ST6GAL1: variants seen among roughly 807,000 people sequenced by gnomAD.
ST6GAL1 encodes the protein ST6 beta-galactoside alpha-2,6-sialyltransferase 1, also known as beta-galactoside alpha-2,6-sialyltransferase 1.
A neutral mutation model predicts 38.0 loss-of-function variants in ST6GAL1; 20 were observed. The ratio of observed to expected loss-of-function variants is 0.53; its 90% CI spans 0.37 to 0.77. The LOEUF is 0.77. Among genes scored for constraint, ST6GAL1 ranks in the 30% least tolerant of loss-of-function variants. ST6GAL1 has a pLI of 0.00. For missense variants in ST6GAL1, 432 were observed against 496.4 expected (o/e 0.87, Z 1.23); for synonymous variants, 196 against 188.2 (o/e 1.04, Z -0.34).
At chr3:186,986,012 A>T (rs539197831) in intron 2 of ST6GAL1, among the ~76,000 whole-genome samples, 12 of 151,880 alleles carry the variant, frequency 7.9e-5, no homozygotes, top group Admixed American at 3.9e-4. Flanking sequence ...ATTGGAAAGG[A>T]CTCTTTAGAT....
At chr3:187,032,735 A>G (rs1263955525) in intron 2 of ST6GAL1, among the ~76,000 whole-genome samples, 1 of 152,208 alleles carries the variant, frequency 6.6e-6, no homozygotes, top group Non-Finnish European at 1.5e-5. Context: ...GACTCTTCCA[A>G]GGATGCTGCC....
intron 2 of ST6GAL1, among the ~76,000 whole-genome samples, chr3:186,994,055 G>C (rs1716276055): frequency 6.6e-6 from 1 of 152,192 alleles, no homozygotes; most frequent in Admixed American, 6.5e-5. Flanking sequence ...GTTGGGATGA[G>C]ATTGTCTTCA....
intron 1 of ST6GAL1, among the ~76,000 whole-genome samples, chr3:186,946,202 C>T (rs1355885012): frequency 2.0e-5 from 3 of 151,356 alleles, no homozygotes; most frequent in Non-Finnish European, 2.9e-5. Context: ...ATCTCGGCTG[C>T]TCGGTGGGGC....
intron 2 of ST6GAL1, among the ~76,000 whole-genome samples, chr3:186,979,147 G>A (rs1215065378): frequency 1.3e-5 from 2 of 152,012 alleles, no homozygotes; most frequent in African/African-American, 4.8e-5. Flanking sequence ...AATGAATGAG[G>A]GCTCATTGTA....
Position 187,075,773 on chromosome 3 carries a change from A to G in ST6GAL1, c.1191A>G (p.Thr397=). 1 of 1,614,136 alleles carries G rather than the reference A, an allele frequency of 6.2e-7. No homozygotes were observed. Reference sequence around the variant, plus strand: ...ACATCTACCTGCTTGGAAAAGCCACACTGCCTGGCTTCCGGACCATTCACT... The same window carrying G: ...ACATCTACCTGCTTGGAAAAGCCACGCTGCCTGGCTTCCGGACCATTCACT... ...DEDIYLLGKA[T]LPGFRTIHC Residue 397 remains threonine, a synonymous_variant, in exon 8 of 8, where the codon ACA becomes ACG. Coordinates refer to ENST00000169298, the MANE Select transcript of ST6GAL1 (RefSeq NM_173216.2). This position sits in a 1 kb window ranked among gnomAD's most constrained non-coding sequence, Gnocchi z 4.1.
intron 2 of ST6GAL1, among the ~76,000 whole-genome samples, chr3:186,969,236 A>G: frequency 6.6e-6 from 1 of 151,792 alleles, no homozygotes; most frequent in Non-Finnish European, 1.5e-5. Flanking sequence ...TATTTTTAGT[A>G]GAGACGGGGT....
chr3:187,041,743 G>A (rs1718130204), intron 3 of ST6GAL1, among the ~76,000 whole-genome samples: 1 of 152,164 alleles, frequency 6.6e-6, no homozygotes, highest in Admixed American at 6.5e-5. Flanking sequence ...TCCATAAAAT[G>A]GAGATTATAA....
At chr3:187,040,338 C>G (rs966018609) in intron 3 of ST6GAL1, among the ~76,000 whole-genome samples, 1 of 152,192 alleles carries the variant, frequency 6.6e-6, no homozygotes. Context: ...GACTGTCTGA[C>G]AGACGAAGTT....
At chr3:187,015,075 A>G (rs1164890508) in intron 2 of ST6GAL1, among the ~76,000 whole-genome samples, 3 of 152,148 alleles carry the variant, frequency 2.0e-5, no homozygotes, top group African/African-American at 7.2e-5. Flanking sequence ...TGGACTAGCA[A>G]TTTTGTTTCT....
intron 2 of ST6GAL1, among the ~76,000 whole-genome samples, chr3:186,996,172 C>G (rs1334578248): frequency 6.6e-6 from 1 of 152,206 alleles, no homozygotes; most frequent in Non-Finnish European, 1.5e-5. Flanking sequence ...ATTTGAAGGA[C>G]TAGTCAGCTG....
chr3:186,967,078 G>A (rs753120605), intron 2 of ST6GAL1, among the ~76,000 whole-genome samples: 15 of 152,126 alleles, frequency 9.9e-5, no homozygotes, highest in Admixed American at 3.9e-4. Context: ...TTCTTTTTCC[G>A]TCCGTTCTGT....
intron 2 of ST6GAL1, among the ~76,000 whole-genome samples, chr3:187,009,252 A>C (rs1716880222): frequency 6.6e-6 from 1 of 152,106 alleles, no homozygotes; most frequent in South Asian, 2.1e-4. Flanking sequence ...TAAGTTTTTA[A>C]ATTATTTTTA....
intron 2 of ST6GAL1, among the ~76,000 whole-genome samples, chr3:187,000,066 T>C (rs1030055792): frequency 6.7e-6 from 1 of 150,304 alleles, no homozygotes; most frequent in African/African-American, 2.5e-5. Flanking sequence ...GCCTCCAGCA[T>C]TCTTCCTGCC....
At chr3:186,972,432 T>C (rs1715381845) in intron 2 of ST6GAL1, among the ~76,000 whole-genome samples, 1 of 152,090 alleles carries the variant, frequency 6.6e-6, no homozygotes, top group Non-Finnish European at 1.5e-5. Flanking sequence ...GTGTTTTTAG[T>C]AGAGACAGGG....
At chr3:186,958,844 T>C (rs1263848742) in intron 1 of ST6GAL1, among the ~76,000 whole-genome samples, 1 of 151,586 alleles carries the variant, frequency 6.6e-6, no homozygotes, top group Non-Finnish European at 1.5e-5. Context: ...TCCCAGCTAC[T>C]CGGGAGGCTG....
At chr3:187,023,484 C>T (rs1175346799) in intron 2 of ST6GAL1, among the ~76,000 whole-genome samples, 2 of 152,152 alleles carry the variant, frequency 1.3e-5, no homozygotes, top group Non-Finnish European at 2.9e-5. Flanking sequence ...TTGGAACCAA[C>T]CCAAATGTCC....
intron 1 of ST6GAL1, among the ~76,000 whole-genome samples, chr3:186,955,149 G>A (rs13071610): frequency 0.083 from 12,559 of 152,170 alleles, 684 homozygotes; most frequent in Non-Finnish European, 0.11. Context: ...ATAGATGTGT[G>A]GTCTTATTTC....
In ST6GAL1 at chr3:186,952,962, C is replaced by G. The variant is rs949844916; in HGVS notation, c.-324-10823C>G. On this transcript the variant is annotated intron_variant, in intron 1 of 7. Transcript: ENST00000169298. This position sits in a 1 kb window ranked among gnomAD's most constrained non-coding sequence, Gnocchi z 4.1. ...TGGAGTCATTCTAAATTCTCTTTCT[C>G]TCATGCTGCACCCACTCTGTTAGCA... Among the ~76,000 whole-genome samples the G allele has an allele frequency of 1.3e-5, 2 of 152,202 alleles. No individual in the cohort carries two copies. Among genetic ancestry groups the G allele is most frequent in the African/African-American group, 4.8e-5 (2 of 41,450 alleles).
At position 186,960,397 on chromosome 3, in the gene ST6GAL1, T is replaced by C. The variant is rs543575372; in HGVS notation, c.-324-3388T>C. Reference sequence around the variant, plus strand: ...CAGGCCCTGAGGAGAAGGAAGGAGTTGAGCACAATCTTGGCTGGCTGGGCC... The same window carrying C: ...CAGGCCCTGAGGAGAAGGAAGGAGTCGAGCACAATCTTGGCTGGCTGGGCC... On this transcript the variant is annotated intron_variant, in intron 1 of 7. Coordinates refer to ENST00000169298, the MANE Select transcript of ST6GAL1 (RefSeq NM_173216.2). 1.7e-4 allele frequency among the ~76,000 whole-genome samples: 26 copies of C among 152,214 alleles called. No homozygotes were observed. In the South Asian group the frequency reaches 5.0e-3, roughly 29 times the overall value.
Sources: allele counts gnomAD v4.1 joint callset (sites outside exome capture counted in the v4.1 genomes callset), GRCh38; gene constraint gnomAD v4.1.1; non-coding constraint Gnocchi (gnomAD v3.1); transcripts MANE v1.5; gene names NCBI Gene and HGNC (gene_info 2026-07-23, HGNC 2026-07-21).